Variants in CORO1C observed in about 807,000 individuals in gnomAD.
CORO1C encodes coronin 1C.
CORO1C carries 14 observed loss-of-function variants against 51.2 expected under a neutral mutation model. The observed-to-expected ratio is 0.27, with a 90% CI of 0.18 to 0.43. The LOEUF (loss-of-function observed/expected upper bound fraction) is 0.43, where lower values mean the gene tolerates loss of function less well. Among genes scored for constraint, CORO1C ranks in the 20% least tolerant of loss-of-function variants. The probability of loss-of-function intolerance (pLI) is 1.00; values close to 1 mark genes in which losing one functional copy is unlikely to be tolerated. For synonymous variants in CORO1C, 181 were observed against 210.5 expected (o/e 0.86, Z 1.21); for missense variants, 417 against 607.8 (o/e 0.69, Z 3.30).
chr12:108,693,665 C>T (rs2034571661), intron 2 of CORO1C, among the ~76,000 whole-genome samples: 1 of 152,180 alleles, frequency 6.6e-6, no homozygotes, highest in Admixed American at 6.5e-5. Flanking sequence ...TCCAATCAAA[C>T]ATTCTATTTC....
At chr12:108,720,813 G>A (rs1035380299) in intron 1 of CORO1C, among the ~76,000 whole-genome samples, 7 of 152,154 alleles carry the variant, frequency 4.6e-5, no homozygotes, top group Admixed American at 1.3e-4. Flanking sequence ...ATGAGCCACC[G>A]CACCCGGCAA....
chr12:108,647,516 C>T lies in CORO1C; in HGVS notation c.1312G>A (p.Glu438Lys). 1 of 1,599,808 alleles carries T rather than the reference C, an allele frequency of 6.3e-7. No homozygotes were observed. Among genetic ancestry groups the T allele is most frequent in the Non-Finnish European group, 8.5e-7 (1 of 1,170,356 alleles). The change falls in exon 11 of 11, where the codon GAA (glutamate) becomes AAA (lysine). Residue 438 changes from glutamate to lysine, a missense_variant. Glu to Lys is a moderately conservative substitution (Grantham distance 56). Transcript: ENST00000261401. ...KTTDTASVQN[E>K]AKLDEILKEI... ...TTTAAAATCTCATCCAACTTGGCTT[C>T]ATTTTGCTAAGAAAACAAAAAAAGG...
intron 7 of CORO1C, 103 bp from the exon 8 acceptor site, chr12:108,652,520 G>A (rs1032833001): frequency 8.5e-6 from 7 of 823,806 alleles, no homozygotes; most frequent in African/African-American, 1.7e-5. Flanking sequence ...TTGGGACCCC[G>A]CTTCAGTAGC....
intron 2 of CORO1C, among the ~76,000 whole-genome samples, chr12:108,689,908 A>C (rs1281106887): frequency 6.6e-6 from 1 of 152,212 alleles, no homozygotes; most frequent in East Asian, 1.9e-4. Context: ...GTAGAGGAAA[A>C]GTTTTCAGCC....
intron 1 of CORO1C, among the ~76,000 whole-genome samples, chr12:108,707,197 T>G (rs549191942): frequency 6.6e-6 from 1 of 152,214 alleles, no homozygotes; most frequent in East Asian, 1.9e-4. Context: ...TGATTGGAAC[T>G]GCAAGGGATC....
chr12:108,676,948 G>A (rs896724907), intron 3 of CORO1C, among the ~76,000 whole-genome samples: 6 of 152,106 alleles, frequency 3.9e-5, no homozygotes, highest in Non-Finnish European at 8.8e-5. Flanking sequence ...GAGATCACAG[G>A]AGGAGACATT....
Position 108,686,094 on chromosome 12 carries a change from C to T in CORO1C, c.196-7700G>A, listed in dbSNP as rs116495281. Among the ~76,000 whole-genome samples, 846 of 152,278 alleles carry T rather than the reference C, an allele frequency of 5.6e-3. 6 individuals carry two copies. Among genetic ancestry groups the T allele is most frequent in the African/African-American group, 0.02 (819 of 41,560 alleles). ...TTAAAGGAAACCATACTAATAACGGCCTTATATGGTAAAGATGAGGAAACA... is the reference window on the plus strand; with the variant it reads ...TTAAAGGAAACCATACTAATAACGGTCTTATATGGTAAAGATGAGGAAACA... On this transcript the variant is annotated intron_variant, in intron 2 of 10. Transcript: ENST00000261401.
In CORO1C at chr12:108,702,795, C is replaced by T. The variant is rs541262131; in HGVS notation, c.-5-1472G>A. 1.8e-5 allele frequency: 28 copies of T among 1,525,088 alleles called. No individual in the cohort carries two copies. In the East Asian group the frequency reaches 4.2e-4, roughly 23 times the overall value. The allele number at this position is 1,525,088 out of a possible 1,614,324, so 94.5% of individuals were successfully genotyped here. On this transcript the variant is annotated intron_variant, in intron 1 of 10. Transcript: ENST00000261401. ...AATTTATTTTTGCCAGAGTCTCTTA[C>T]CCTTCCAACGCATGTGTGAAAGTGG... is the stretch of plus-strand genomic sequence containing the variant.
intron 1 of CORO1C, among the ~76,000 whole-genome samples, chr12:108,722,966 A>G (rs2035507747): frequency 6.6e-6 from 1 of 152,236 alleles, no homozygotes; most frequent in South Asian, 2.1e-4. Context: ...GTAAAGCAAC[A>G]GTGGCCCACA....
At chr12:108,718,557 GAAAGA>G (rs1480070074) in intron 1 of CORO1C, among the ~76,000 whole-genome samples, 2 of 151,512 alleles carry the variant, frequency 1.3e-5, no homozygotes, top group Non-Finnish European at 3.0e-5. Context: ...CAAAAAGAAA[GAAAGA>G]AAAGAAAAGA....
chr12:108,654,638 G>C (rs1242980813), intron 6 of CORO1C, among the ~76,000 whole-genome samples: 3 of 151,720 alleles, frequency 2.0e-5, no homozygotes, highest in Non-Finnish European at 4.4e-5. Flanking sequence ...CATAATGCGC[G>C]CATACATCAG....
At chr12:108,678,250 A>C in intron 3 of CORO1C, 22 bp downstream of exon 3, 1 of 1,602,522 alleles carries the variant, frequency 6.2e-7, no homozygotes, top group Non-Finnish European at 8.5e-7. Flanking sequence ...GCCTGTGTGC[A>C]CACAACACCC....
chr12:108,674,443 A>G (rs7315864), intron 3 of CORO1C, among the ~76,000 whole-genome samples: 83,514 of 151,220 alleles, frequency 0.55, 23,666 homozygotes, highest in South Asian at 0.7. Context: ...AGCTACTCGG[A>G]GGGCTGAGGC....
intron 10 of CORO1C, 118 bp downstream of exon 10, chr12:108,648,487 A>T: frequency 7.3e-7 from 1 of 1,370,838 alleles, no homozygotes; most frequent in Admixed American, 2.0e-5. Flanking sequence ...TTTTTCATTT[A>T]CTGAAAACCC....
intron 2 of CORO1C, chr12:108,700,908 A>G (rs541549186): frequency 1.6e-4 from 85 of 538,374 alleles, no homozygotes; most frequent in African/African-American, 1.5e-3. Context: ...TTTCATCCAT[A>G]GAGGGCATCC....
intron 1 of CORO1C, among the ~76,000 whole-genome samples, chr12:108,720,160 T>C (rs555886774): frequency 6.6e-6 from 1 of 152,298 alleles, no homozygotes; most frequent in African/African-American, 2.4e-5. Context: ...CACTCCAGCC[T>C]GGGTGACAGA....
In CORO1C at chr12:108,658,937, A is replaced by G. The variant is rs779582898; in HGVS notation, c.449-18T>C. 5 of 1,596,344 alleles carry G rather than the reference A, an allele frequency of 3.1e-6. No individual in the cohort carries two copies. Among genetic ancestry groups the G allele is most frequent in the Non-Finnish European group, 4.3e-6 (5 of 1,165,182 alleles). ...ATCACAGCCTAAAACAGGCAAAACC[A>G]TCAGAGATTAGAAGATTAGAAACAC... On this transcript the variant is annotated intron_variant, in intron 4 of 10. Transcript: ENST00000261401. The surrounding 1 kb of genome is among the most constrained non-coding windows in gnomAD (Gnocchi z 4.9).
intron 8 of CORO1C, among the ~76,000 whole-genome samples, chr12:108,651,080 T>C (rs2032626879): frequency 6.6e-6 from 1 of 152,204 alleles, no homozygotes; most frequent in Non-Finnish European, 1.5e-5. Context: ...GCCTCCCAAT[T>C]AGCTGGGATT....
chr12:108,709,435 G>A (rs746654064), intron 1 of CORO1C, among the ~76,000 whole-genome samples: 14 of 152,042 alleles, frequency 9.2e-5, no homozygotes, highest in Non-Finnish European at 7.4e-5. Context: ...ATTTCAGCAC[G>A]GTATTTCTGC....
Sources: allele counts gnomAD v4.1 joint callset (sites outside exome capture counted in the v4.1 genomes callset), GRCh38; gene constraint gnomAD v4.1.1; non-coding constraint Gnocchi (gnomAD v3.1); transcripts MANE v1.5; gene names NCBI Gene and HGNC (gene_info 2026-07-23, HGNC 2026-07-21).